BST1: variants seen among roughly 807,000 people sequenced by gnomAD.
BST1 encodes bone marrow stromal cell antigen 1.
BST1 carries 49 observed loss-of-function variants against 40.6 expected under a neutral mutation model. The ratio of observed to expected loss-of-function variants is 1.21; its 90% CI spans 0.96 to 1.53. The LOEUF is 1.53. Among genes scored for constraint, BST1 ranks in the 40% most tolerant of loss-of-function variants. The pLI is 0.00. For synonymous variants in BST1, 157 were observed against 159.3 expected, an observed-to-expected ratio of 0.99 and a Z score of 0.11; for missense variants, 423 against 395.9, an observed-to-expected ratio of 1.07 and a Z score of -0.58.
At chr4:15,767,682 A>G in the BST1 span, among the ~76,000 whole-genome samples, 1 of 141,520 alleles carries the variant, frequency 7.1e-6, no homozygotes, top group Non-Finnish European at 1.6e-5. Context: ...GTTAGCACAC[A>G]GAACACTTTA....
At chr4:15,725,363 G>T (rs1721043055) in intron 8 of BST1, among the ~76,000 whole-genome samples, 1 of 152,124 alleles carries the variant, frequency 6.6e-6, no homozygotes, top group Non-Finnish European at 1.5e-5. Flanking sequence ...CAACATCCCA[G>T]GGTTCGGTGA....
At chr4:15,722,088 C>A (rs1444399801) in intron 7 of BST1, among the ~76,000 whole-genome samples, 1 of 152,200 alleles carries the variant, frequency 6.6e-6, no homozygotes, top group East Asian at 1.9e-4. Context: ...AGTTAGCTTT[C>A]CTCTCTGATG....
At chr4:15,718,661 C>T (rs1285969521) in intron 6 of BST1, among the ~76,000 whole-genome samples, 1 of 152,180 alleles carries the variant, frequency 6.6e-6, no homozygotes, top group Non-Finnish European at 1.5e-5. Context: ...TGCACTGGCC[C>T]TGGCTCTCCC....
Position 15,731,791 on chromosome 4 carries a change from G to C in BST1, c.903G>C (p.Arg301Ser). The C allele has an allele frequency of 6.2e-7, 1 of 1,613,854 alleles. No individual in the cohort carries two copies. Among genetic ancestry groups the C allele is most frequent in the East Asian group, 2.2e-5 (1 of 44,880 alleles). The change falls in exon 9 of 9, where the codon AGG (arginine) becomes AGC (serine). Residue 301 changes from arginine (R) to serine (S), a missense_variant. Physicochemically the swap from Arg to Ser is moderately radical, Grantham distance 110. Transcript: ENST00000265016. ...CCCCAAGTCTTTATACAGAACAAAGGGCGGGTCTTATCATTCCCCTCTTTC... is the reference window on the plus strand; with the variant it reads ...CCCCAAGTCTTTATACAGAACAAAGCGCGGGTCTTATCATTCCCCTCTTTC... The part of the protein sequence containing the change: ...RKAPSLYTEQ[R>S]AGLIIPLFLV...
At chr4:15,763,801 G>A in the BST1 span, among the ~76,000 whole-genome samples, 1 of 152,008 alleles carries the variant, frequency 6.6e-6, no homozygotes, top group African/African-American at 2.4e-5. Context: ...ATATTGCTAA[G>A]TGAACGAAGC....
At position 15,705,518 on chromosome 4, in the gene BST1, C is replaced by G. The variant is rs778895926; in HGVS notation, c.192C>G (p.Asn64Lys). 32 of 1,577,244 alleles carry G rather than the reference C, an allele frequency of 2.0e-5. 1 individual carries two copies. In the South Asian group the frequency reaches 3.7e-4, roughly 18 times the overall value. Residue 64 changes from asparagine (N) to lysine (K), a missense_variant, in exon 2 of 9, where the codon AAC becomes AAG. Transcript: ENST00000265016. ...YRALLSPEQR[N>K]KNCTAIWEAF... ...CCCAACTTGTACTTTTGCACAGGAACAAGAACTGCACAGCCATCTGGGAAG... is the reference window on the plus strand; with the variant it reads ...CCCAACTTGTACTTTTGCACAGGAAGAAGAACTGCACAGCCATCTGGGAAG...
At chr4:15,748,729 G>A in the BST1 span, among the ~76,000 whole-genome samples, 303 of 152,284 alleles carry the variant, frequency 2.0e-3, 4 homozygotes, top group African/African-American at 6.8e-3. Context: ...CACTACACCC[G>A]AGTTGATAGT....
intron 6 of BST1, among the ~76,000 whole-genome samples, chr4:15,717,795 T>C (rs1577580533): frequency 6.6e-6 from 1 of 152,194 alleles, no homozygotes; most frequent in African/African-American, 2.4e-5. Context: ...AACTGGCAGG[T>C]CAGCAAGAGA....
At chr4:15,747,864 A>G in the BST1 span, among the ~76,000 whole-genome samples, 1 of 152,040 alleles carries the variant, frequency 6.6e-6, no homozygotes, top group Non-Finnish European at 1.5e-5. Context: ...TTTTGTAGAG[A>G]TGTGGTCTTG....
chr4:15,743,991 C>T, the BST1 span, among the ~76,000 whole-genome samples: 1 of 152,224 alleles, frequency 6.6e-6, no homozygotes, highest in African/African-American at 2.4e-5. Context: ...AGCTCCTGCT[C>T]CCTCTGCATT....
chr4:15,739,475 G>A (rs1721684150), downstream of BST1, among the ~76,000 whole-genome samples: 1 of 152,026 alleles, frequency 6.6e-6, no homozygotes, highest in African/African-American at 2.4e-5. Context: ...AGCTATTAAA[G>A]GGTAGCTGTC....
At chr4:15,737,709 T>C, downstream of BST1, 1 of 1,049,308 alleles carries the variant, frequency 9.5e-7, no homozygotes, top group Non-Finnish European at 1.3e-6. Context: ...CTGTCGTAGG[T>C]ACCAGGTACC....
the BST1 span, among the ~76,000 whole-genome samples, chr4:15,760,233 G>T: frequency 6.6e-6 from 1 of 150,934 alleles, no homozygotes; most frequent in Non-Finnish European, 1.5e-5. Context: ...TTTGAGGTAC[G>T]TCCATGTTGT....
At chr4:15,757,609 C>G in the BST1 span, among the ~76,000 whole-genome samples, 1 of 151,960 alleles carries the variant, frequency 6.6e-6, no homozygotes, top group African/African-American at 2.4e-5. Flanking sequence ...ACAGAGAATC[C>G]TTTATAGGGA....
In BST1 at chr4:15,703,213, G is replaced by T; in HGVS notation, c.69G>T (p.Leu23Phe). Residue 23 changes from leucine to phenylalanine, a missense_variant, in exon 1 of 9, where the codon TTG becomes TTT. Leu to Phe is a conservative substitution (Grantham distance 22, BLOSUM62 0). Coordinates refer to ENST00000265016, the MANE Select transcript of BST1 (RefSeq NM_004334.3). ...TGCTGCAGCTTCTGCTTCTACTGTT[G>T]CTGCTGGCGGCGGGCGGGGCGCGCG... Reference protein sequence around the residue: ...QLLLQLLLLLLLLAAGGARAR... With the variant: ...QLLLQLLLLLFLLAAGGARAR... 6.4e-7 allele frequency: 1 copy of T among 1,550,844 alleles called. No individual in the cohort carries two copies. The highest frequency in any genetic ancestry group is 8.7e-7 in the Non-Finnish European group (1 of 1,148,796).
In BST1 at chr4:15,707,855, C is replaced by CTCTATATA. The variant is rs544633858; in HGVS notation, c.451+210_451+211insCTATATAT. ...AAGCACTCTCTCTCTCTCTCTCTCT[C>CTCTATATA]TATATATATATATATATATACACAT... On this transcript the variant is annotated intron_variant, in intron 3 of 8. Coordinates refer to ENST00000265016, the MANE Select transcript of BST1 (RefSeq NM_004334.3). Among the ~76,000 whole-genome samples the CTCTATATA allele has an allele frequency of 2.0e-3, 260 of 128,520 alleles. 1 individual carries two copies. Among genetic ancestry groups the CTCTATATA allele is most frequent in the Middle Eastern group, 3.9e-3 (1 of 256 alleles). 84.3% of individuals were successfully genotyped at this position (128,520 alleles called of 152,430 possible). A position where few individuals can be genotyped will look rare whatever the true frequency, so the allele number is the denominator to read the frequency against.
At chr4:15,728,043 T>A (rs2148894511) in intron 8 of BST1, among the ~76,000 whole-genome samples, 1 of 152,020 alleles carries the variant, frequency 6.6e-6, no homozygotes, top group African/African-American at 2.4e-5. Context: ...TTCAGTAGAC[T>A]TTTAATCTGC....
chr4:15,750,026 C>A, the BST1 span, among the ~76,000 whole-genome samples: 1 of 151,280 alleles, frequency 6.6e-6, no homozygotes, highest in African/African-American at 2.4e-5. Context: ...ATCCTTCTAC[C>A]TTTTATGTCC....
At chr4:15,711,020 C>A (rs1471905130) in intron 3 of BST1, among the ~76,000 whole-genome samples, 1 of 152,124 alleles carries the variant, frequency 6.6e-6, no homozygotes, top group African/African-American at 2.4e-5. Flanking sequence ...GAACTCCTGA[C>A]CTCAGGTAAT....
Sources: allele counts gnomAD v4.1 joint callset (sites outside exome capture counted in the v4.1 genomes callset), GRCh38; gene constraint gnomAD v4.1.1; transcripts MANE v1.5; gene names NCBI Gene and HGNC (gene_info 2026-07-23, HGNC 2026-07-21).